NMT1: variants seen among roughly 807,000 people sequenced by gnomAD.
NMT1 encodes the protein glycylpeptide N-tetradecanoyltransferase 1.
NMT1 carries 12 observed loss-of-function variants against 63.4 expected under a neutral mutation model. The observed-to-expected ratio is 0.19, with a 90% CI of 0.12 to 0.31. The LOEUF (loss-of-function observed/expected upper bound fraction) is 0.31, where lower values mean the gene tolerates loss of function less well. Among genes scored for constraint, NMT1 ranks in the 10% least tolerant of loss-of-function variants. The pLI is 1.00. For synonymous variants in NMT1, 228 were observed against 234.3 expected (o/e 0.97, Z 0.25); for missense variants, 432 against 634.6 (o/e 0.68, Z 3.43).
At chr17:45,079,229 C>CA (rs2053997007) in intron 1 of NMT1, among the ~76,000 whole-genome samples, 2 of 151,990 alleles carry the variant, frequency 1.3e-5, no homozygotes, top group Non-Finnish European at 2.9e-5. Context: ...CTCAGCCTCC[C>CA]AAGTAGCTGG....
At chr17:45,067,550 G>T (rs2053910894) in intron 1 of NMT1, among the ~76,000 whole-genome samples, 1 of 152,146 alleles carries the variant, frequency 6.6e-6, no homozygotes, top group South Asian at 2.1e-4. Flanking sequence ...CATAAAGCTA[G>T]CCTTACTTGT....
chr17:45,068,509 C>G (rs955658732), intron 1 of NMT1, among the ~76,000 whole-genome samples: 3 of 152,134 alleles, frequency 2.0e-5, no homozygotes, highest in Admixed American at 2.0e-4. Context: ...TAGAGCTGCT[C>G]TCTTGAGAGA....
At chr17:45,095,188 C>T (rs564750288) in intron 4 of NMT1, among the ~76,000 whole-genome samples, 5 of 150,712 alleles carry the variant, frequency 3.3e-5, no homozygotes, top group Non-Finnish European at 4.4e-5. Flanking sequence ...CTCACTGCAA[C>T]GTCCACCTCC....
intron 6 of NMT1, among the ~76,000 whole-genome samples, chr17:45,097,445 G>T (rs1438695126): frequency 1.3e-5 from 2 of 152,062 alleles, no homozygotes; most frequent in Non-Finnish European, 2.9e-5. Context: ...TCCCTTGTTT[G>T]TGGCCCAGGT....
chr17:45,092,063 C>T (rs530052209), intron 3 of NMT1, among the ~76,000 whole-genome samples: 59 of 152,246 alleles, frequency 3.9e-4, no homozygotes, highest in African/African-American at 1.3e-3. Context: ...AATATGACCT[C>T]TCTCCCAAGC....
intron 1 of NMT1, among the ~76,000 whole-genome samples, chr17:45,080,341 G>A (rs7214267): frequency 0.57 from 85,180 of 150,562 alleles, 24,497 homozygotes; most frequent in African/African-American, 0.61. Context: ...TGTATTTTTA[G>A]TAGAGACAGG....
chr17:45,062,286 A>C (rs2053868898), intron 1 of NMT1, among the ~76,000 whole-genome samples: 1 of 152,176 alleles, frequency 6.6e-6, no homozygotes. Flanking sequence ...ATTAGTTTTT[A>C]CTTCTGTAAG....
chr17:45,095,310 A>G (rs528830568), intron 4 of NMT1, among the ~76,000 whole-genome samples: 6 of 149,506 alleles, frequency 4.0e-5, no homozygotes, highest in Admixed American at 4.0e-4. Context: ...GTTTCACCAC[A>G]TTGGCCAGGC....
intron 1 of NMT1, chr17:45,071,586 T>C (rs948207201): frequency 3.3e-5 from 5 of 152,234 alleles, no homozygotes; most frequent in Admixed American, 2.6e-4. Context: ...ATCTGAGAGC[T>C]ACAGTGAAAA....
In NMT1 at chr17:45,104,096, A is replaced by C; in HGVS notation, c.1332+220A>C. On this transcript the variant is annotated intron_variant, in intron 10 of 11. Transcript: ENST00000258960. This position sits in a 1 kb window ranked among gnomAD's most constrained non-coding sequence, Gnocchi z 4.2. Reference sequence around the variant, plus strand: ...GAAGGCATTGAACTCCTCCTGATTCATTTCAGTGAGTTTCGTTCTCACAGG... The same window carrying C: ...GAAGGCATTGAACTCCTCCTGATTCCTTTCAGTGAGTTTCGTTCTCACAGG... 6.9e-7 allele frequency: 1 copy of C among 1,457,692 alleles called. No homozygotes were observed. Among genetic ancestry groups the C allele is most frequent in the Non-Finnish European group, 9.1e-7 (1 of 1,104,434 alleles). The allele number at this position is 1,457,692 out of a possible 1,614,324, so 90.3% of individuals were successfully genotyped here. A position where few individuals can be genotyped will look rare whatever the true frequency, so the allele number is the denominator to read the frequency against.
rs1438571548 is a variant in NMT1, at chr17:45,105,301, C to T, written c.1470+305C>T. 6.6e-6 allele frequency among the ~76,000 whole-genome samples: 1 copy of T among 152,170 alleles called. No homozygotes were observed. Among genetic ancestry groups the T allele is most frequent in the Admixed American group, 6.5e-5 (1 of 15,276 alleles). On this transcript the variant is annotated intron_variant, in intron 11 of 11. Transcript: ENST00000258960. The surrounding 1 kb of genome is among the most constrained non-coding windows in gnomAD (Gnocchi z 4.2). ...CCCACGGTTTGCCAGGAGGGTAGGG[C>T]TGGGGGAACTCTGAGGAGGTTTCCT...
intron 1 of NMT1, among the ~76,000 whole-genome samples, chr17:45,076,648 G>A (rs1421793996): frequency 6.6e-6 from 1 of 151,922 alleles, no homozygotes; most frequent in Non-Finnish European, 1.5e-5. Flanking sequence ...TACTTGGGAA[G>A]CTGAGGCAGG....
Position 45,096,186 on chromosome 17 carries a change from CT to C in NMT1, c.505-5del. On this transcript the variant is annotated splice_region_variant and splice_polypyrimidine_tract_variant and intron_variant, in intron 4 of 11. Coordinates refer to ENST00000258960, the MANE Select transcript of NMT1 (RefSeq NM_021079.5). ...ATACCTCCAAGTGAGCTGCTTATTT[CT>C]TTACAGCTAAAAGAACTGTACACCC... The C allele has an allele frequency of 6.2e-7, 1 of 1,604,072 alleles. No individual in the cohort carries two copies.
intron 3 of NMT1, among the ~76,000 whole-genome samples, chr17:45,088,300 T>G (rs1404271316): frequency 6.6e-6 from 1 of 152,264 alleles, no homozygotes; most frequent in East Asian, 1.9e-4. Context: ...ACATCTCACC[T>G]CTGAATGAAA....
At chr17:45,063,204 CAAAAAAA>C (rs5820561) in intron 1 of NMT1, among the ~76,000 whole-genome samples, 2 of 79,992 alleles carry the variant, frequency 2.5e-5, no homozygotes, top group African/African-American at 4.9e-5. Context: ...GACTCCGACT[CAAAAAAA>C]AAAAAAAAAA....
In NMT1 at chr17:45,097,234, A is replaced by G; in HGVS notation, c.703A>G (p.Ile235Val). The G allele has an allele frequency of 6.2e-7, 1 of 1,613,020 alleles. No individual in the cohort carries two copies. Among genetic ancestry groups the G allele is most frequent in the Non-Finnish European group, 8.5e-7 (1 of 1,179,050 alleles). The change falls in exon 6 of 12, where the codon ATC becomes GTC. Residue 235 changes from isoleucine (I) to valine (V), a missense_variant. Ile to Val is a conservative substitution (Grantham distance 29). This residue lies in a region of NMT1 where 295 missense variants were observed against 489.7 expected (regional missense o/e 0.60). Coordinates refer to ENST00000258960, the MANE Select transcript of NMT1 (RefSeq NM_021079.5). ...TAGCGCCATCCCAGCAAACATCCATATCTATGACACGTAAGCACCTGCACC... is the reference window on the plus strand; with the variant it reads ...TAGCGCCATCCCAGCAAACATCCATGTCTATGACACGTAAGCACCTGCACC... ...FISAIPANIH[I>V]YDTEKKMVEI...
intron 7 of NMT1, 84 bp downstream of exon 7, chr17:45,098,636 C>A: frequency 7.7e-7 from 1 of 1,298,848 alleles, no homozygotes; most frequent in South Asian, 1.3e-5. Flanking sequence ...AGTCACAGCT[C>A]CGCCCTTAGC....
rs778849990 is a variant in NMT1, at chr17:45,105,014, A to C, written c.1470+18A>C. The C allele has an allele frequency of 6.2e-7, 1 of 1,613,890 alleles. No individual in the cohort carries two copies. The highest frequency in any genetic ancestry group is 1.3e-5 in the African/African-American group (1 of 74,940). ...CAGAGAAGGTAGGCGACACATAGCCAGAGTCCAGGCTGCCCGGCCCAGGGT... is the reference window on the plus strand; with the variant it reads ...CAGAGAAGGTAGGCGACACATAGCCCGAGTCCAGGCTGCCCGGCCCAGGGT... On this transcript the variant is annotated intron_variant, in intron 11 of 11. Transcript: ENST00000258960. This position sits in a 1 kb window ranked among gnomAD's most constrained non-coding sequence, Gnocchi z 4.2.
Position 45,103,771 on chromosome 17 carries a change from C to T in NMT1, c.1227C>T (p.Asn409=), listed in dbSNP as rs1164368260. Residue 409 remains asparagine, a synonymous_variant, in exon 10 of 12, where the codon AAC becomes AAT. Transcript: ENST00000258960. This position sits in a 1 kb window ranked among gnomAD's most constrained non-coding sequence, Gnocchi z 4.8. The part of the protein sequence containing the change: ...SFYTLPSTIM[N]HPTHKSLKAA... ...ATACGCTGCCCTCCACCATCATGAA[C>T]CATCCAACCCACAAGAGTCTCAAAG... 7 of 1,614,074 alleles carry T rather than the reference C, an allele frequency of 4.3e-6. No homozygotes were observed. Among genetic ancestry groups the T allele is most frequent in the Non-Finnish European group, 5.1e-6 (6 of 1,180,040 alleles).
Sources: allele counts gnomAD v4.1 joint callset (sites outside exome capture counted in the v4.1 genomes callset), GRCh38; gene constraint gnomAD v4.1.1; regional missense constraint gnomAD v4.1.1; non-coding constraint Gnocchi (gnomAD v3.1); transcripts MANE v1.5; gene names NCBI Gene and HGNC (gene_info 2026-07-23, HGNC 2026-07-21).